Variants in PRKCG observed in about 807,000 individuals in gnomAD.
PRKCG encodes protein kinase C gamma, also known as protein kinase C gamma type.
Under a neutral mutation model 82.0 loss-of-function variants are expected in PRKCG, and 28 were observed. That is an observed-to-expected ratio of 0.34 (90% CI 0.25 to 0.47). PRKCG has a LOEUF of 0.47. PRKCG is among the 20% of genes least tolerant of loss of function. The probability of loss-of-function intolerance (pLI) is 1.00; values close to 1 mark genes in which losing one functional copy is unlikely to be tolerated. For missense variants in PRKCG, 640 were observed against 952.7 expected (o/e 0.67, Z 4.32); for synonymous variants, 383 against 376.6 (o/e 1.02, Z -0.20).
At chr19:53,896,796 T>C (rs1421918465) in intron 9 of PRKCG, among the ~76,000 whole-genome samples, 1 of 152,152 alleles carries the variant, frequency 6.6e-6, no homozygotes, top group Non-Finnish European at 1.5e-5. Flanking sequence ...ACCCCTGCCT[T>C]AGGGAGCTCA....
chr19:53,889,802 C>G lies in PRKCG; in HGVS notation c.397+53C>G. ...CTTCCAAAGCGCCCGGTCTGGGTTC[C>G]GGGAAATGCCCGGGATGGGGTGGGG... On this transcript the variant is annotated intron_variant, in intron 4 of 17. Coordinates refer to ENST00000263431, the MANE Select transcript of PRKCG (RefSeq NM_002739.5). The surrounding 1 kb of genome is among the most constrained non-coding windows in gnomAD (Gnocchi z 4.4). 1.3e-6 allele frequency: 2 copies of G among 1,589,392 alleles called. No individual in the cohort carries two copies. The highest frequency in any genetic ancestry group is 1.7e-6 in the Non-Finnish European group (2 of 1,167,782).
chr19:53,899,095 G>T (rs556770103), intron 11 of PRKCG, among the ~76,000 whole-genome samples: 1 of 151,132 alleles, frequency 6.6e-6, no homozygotes, highest in South Asian at 2.1e-4. Context: ...GCGTATCCAG[G>T]CAGGTAGATT....
At chr19:53,895,539 G>A (rs1306357588) in intron 9 of PRKCG, among the ~76,000 whole-genome samples, 1 of 149,076 alleles carries the variant, frequency 6.7e-6, no homozygotes, top group Non-Finnish European at 1.5e-5. Context: ...TTCAACAACA[G>A]CAACAACATG....
chr19:53,881,554 C>T (rs1449736232), upstream of PRKCG, among the ~76,000 whole-genome samples: 2 of 151,234 alleles, frequency 1.3e-5, no homozygotes, highest in Non-Finnish European at 3.0e-5. Context: ...AGACCAAGAC[C>T]CCGAGAAGAA....
At chr19:53,890,054 C>T in intron 5 of PRKCG, 37 bp downstream of exon 5, 7 of 1,542,558 alleles carry the variant, frequency 4.5e-6, no homozygotes, top group Non-Finnish European at 6.1e-6. Context: ...CCGCCCCCTC[C>T]CCAAGTGTGA....
In PRKCG at chr19:53,889,956, G is replaced by A. The variant is rs762362370; in HGVS notation, c.468G>A (p.Glu156=). The change falls in exon 5 of 18, where the codon GAG becomes GAA. Residue 156 remains glutamate (E), a synonymous_variant. Transcript: ENST00000263431. The surrounding 1 kb of genome is among the most constrained non-coding windows in gnomAD (Gnocchi z 4.4). ...VPSLCGVDHT[E]RRGRLQLEIR... The stretch of plus-strand genomic sequence containing the variant: ...CCCTGTGCGGTGTGGACCACACCGA[G>A]CGCCGCGGGCGCCTGCAGCTGGAGA... 2 of 1,575,610 alleles carry A rather than the reference G, an allele frequency of 1.3e-6. No homozygotes were observed. The highest frequency in any genetic ancestry group is 2.4e-5 in the East Asian group (1 of 42,508).
At chr19:53,897,662 C>G (rs1419266869) in intron 9 of PRKCG, among the ~76,000 whole-genome samples, 1 of 151,594 alleles carries the variant, frequency 6.6e-6, no homozygotes, top group African/African-American at 2.4e-5. Context: ...CTGTGCTAGT[C>G]TCCTCTTCTG....
Position 53,884,293 on chromosome 19 carries a change from C to G in PRKCG, c.285+50C>G. On this transcript the variant is annotated intron_variant, in intron 3 of 17. Transcript: ENST00000263431. The surrounding 1 kb of genome is among the most constrained non-coding windows in gnomAD (Gnocchi z 4.6). ...CCTCCTCGGGCCGTGCCCCCGCCCT[C>G]ACCCCCTCGGCGTCCGTCCCAATTT... 6.5e-7 allele frequency: 1 copy of G among 1,546,454 alleles called. No individual in the cohort carries two copies. Among genetic ancestry groups the G allele is most frequent in the South Asian group, 1.1e-5 (1 of 89,774 alleles).
At position 53,900,158 on chromosome 19, in the gene PRKCG, C is replaced by T; in HGVS notation, c.1282-75C>T. 1 of 1,407,468 alleles carries T rather than the reference C, an allele frequency of 7.1e-7. No individual in the cohort carries two copies. The highest frequency in any genetic ancestry group is 1.2e-5 in the South Asian group (1 of 86,848). The allele number at this position is 1,407,468 out of a possible 1,614,324, so 87.2% of individuals were successfully genotyped here. On this transcript the variant is annotated intron_variant, in intron 11 of 17. Coordinates refer to ENST00000263431, the MANE Select transcript of PRKCG (RefSeq NM_002739.5). The surrounding 1 kb of genome is among the most constrained non-coding windows in gnomAD (Gnocchi z 4.2). The stretch of plus-strand genomic sequence containing the variant: ...GCATCTGGAACCTTCCACGTCTGTC[C>T]TGAGTGATCAGGAAAGAAATTCTCC...
intron 16 of PRKCG, among the ~76,000 whole-genome samples, chr19:53,905,257 A>G (rs551600044): frequency 2.0e-5 from 3 of 152,102 alleles, no homozygotes; most frequent in East Asian, 3.9e-4. Context: ...CTCCATCTGC[A>G]TACGATGGGG....
rs553905626 is a variant in PRKCG, at chr19:53,882,397, T to G, written c.-98T>G. 1 of 1,527,986 alleles carries G rather than the reference T, an allele frequency of 6.5e-7. No individual in the cohort carries two copies. Among genetic ancestry groups the G allele is most frequent in the South Asian group, 1.2e-5 (1 of 82,928 alleles). 94.7% of individuals were successfully genotyped at this position (1,527,986 alleles called of 1,614,324 possible). On this transcript the variant is annotated 5_prime_UTR_variant, in exon 1 of 18. Transcript: ENST00000263431. The surrounding 1 kb of genome is among the most constrained non-coding windows in gnomAD (Gnocchi z 6.1). Reference sequence around the variant, plus strand: ...TCTCCTGCCCACCTCGGAATTTCCCTGTGGCTCCTTTGATCCTTCGAGTCT... The same window carrying G: ...TCTCCTGCCCACCTCGGAATTTCCCGGTGGCTCCTTTGATCCTTCGAGTCT...
At chr19:53,893,455 C>T (rs2068695087) in intron 9 of PRKCG, 64 bp downstream of exon 9, 3 of 1,509,152 alleles carry the variant, frequency 2.0e-6, no homozygotes, top group Non-Finnish European at 2.8e-6. Context: ...TCTTATTCCT[C>T]CTCTGACTTC....
chr19:53,886,978 A>T (rs973108210), intron 3 of PRKCG, among the ~76,000 whole-genome samples: 1 of 152,216 alleles, frequency 6.6e-6, no homozygotes, highest in Non-Finnish European at 1.5e-5. Context: ...ATTATTTTTT[A>T]TTCTTGTTAA....
chr19:53,886,765 A>G (rs2068634483), intron 3 of PRKCG, among the ~76,000 whole-genome samples: 1 of 151,988 alleles, frequency 6.6e-6, no homozygotes, highest in Non-Finnish European at 1.5e-5. Context: ...TTATTTGGTT[A>G]TTTTTCCCTG....
chr19:53,900,320 G>GCAGCGTGAGTCTCGGCCAT lies in PRKCG; in HGVS notation c.1373+14_1373+15insTCAGCGTGAGTCTCGGCCA. On this transcript the variant is annotated stop_gained and frameshift_variant, in exon 12 of 18. Transcript: ENST00000263431. LOFTEE classifies it high-confidence loss of function. This position sits in a 1 kb window ranked among gnomAD's most constrained non-coding sequence, Gnocchi z 4.2. ...GCTGGGCAAGTTTAAGGAGCCCCAT[G>GCAGCGTGAGTCTCGGCCAT]CAGCGTGAGTCTCGGCCAACAGAGA... 1 of 1,614,110 alleles carries GCAGCGTGAGTCTCGGCCAT rather than the reference G, an allele frequency of 6.2e-7. No homozygotes were observed. Among genetic ancestry groups the GCAGCGTGAGTCTCGGCCAT allele is most frequent in the South Asian group, 1.1e-5 (1 of 91,074 alleles).
chr19:53,893,409 G>A lies in PRKCG; in HGVS notation c.939+18G>A, dbSNP rs771067946. On this transcript the variant is annotated intron_variant, in intron 9 of 17. Coordinates refer to ENST00000263431, the MANE Select transcript of PRKCG (RefSeq NM_002739.5). ...TGTATGAGGTGAGTAGAACCAGGGC[G>A]TTGAATGGAGGCAGTTTTTGCCTAC... 16 of 1,610,900 alleles carry A rather than the reference G, an allele frequency of 9.9e-6. No individual in the cohort carries two copies. The highest frequency in any genetic ancestry group is 4.5e-5 in the East Asian group (2 of 44,868).
chr19:53,906,131 TCTCTCTC>T (rs1357336430), intron 16 of PRKCG, among the ~76,000 whole-genome samples, 179 bp from the exon 17 acceptor site: 1 of 136,750 alleles, frequency 7.3e-6, no homozygotes, highest in African/African-American at 2.9e-5. Context: ...TTCTTCTCTC[TCTCTCTC>T]CTTTCTTTTC....
intron 11 of PRKCG, among the ~76,000 whole-genome samples, 162 bp downstream of exon 11, chr19:53,898,790 G>GGGGTCCTTGGGGGGC (rs1555807844): frequency 1.7e-5 from 2 of 116,716 alleles, no homozygotes; most frequent in Non-Finnish European, 3.4e-5. Context: ...GCCGGGGGGG[G>GGGGTCCTTGGGGGGC]GTCCTTGGGG....
chr19:53,884,351 G>A lies in PRKCG; in HGVS notation c.285+108G>A, dbSNP rs1213473516. 3.7e-6 allele frequency: 4 copies of A among 1,093,276 alleles called. No individual in the cohort carries two copies. Among genetic ancestry groups the A allele is most frequent in the Admixed American group, 1.8e-5 (1 of 56,044 alleles). 67.7% of individuals were successfully genotyped at this position (1,093,276 alleles called of 1,614,324 possible). ...TATTTTTATGGCTGGGAGGGGAGGG[G>A]GGCTGGAGAGATAGGGGGAGCTATC... On this transcript the variant is annotated intron_variant, in intron 3 of 17. Transcript: ENST00000263431. The surrounding 1 kb of genome is among the most constrained non-coding windows in gnomAD (Gnocchi z 4.6).
Sources: gnomAD v4.1 joint callset for allele counts (sites outside exome capture counted in the v4.1 genomes callset) on GRCh38, gnomAD v4.1.1 for gene constraint, Gnocchi (gnomAD v3.1) non-coding constraint, MANE v1.5 for transcripts, NCBI Gene and HGNC (gene_info 2026-07-23, HGNC 2026-07-21) for gene names.